ADCY2: variants seen among roughly 807,000 people sequenced by gnomAD.
The protein encoded by ADCY2 is adenylate cyclase 2.
ADCY2 carries 31 observed loss-of-function variants against 125.2 expected under a neutral mutation model. The ratio of observed to expected loss-of-function variants is 0.25; its 90% CI spans 0.19 to 0.33. ADCY2 has a LOEUF of 0.33. ADCY2 is among the 10% of genes least tolerant of loss of function. The probability of loss-of-function intolerance (pLI) is 1.00; values close to 1 mark genes in which losing one functional copy is unlikely to be tolerated. For synonymous variants in ADCY2, 512 were observed against 548.4 expected, an observed-to-expected ratio of 0.93 and a Z score of 0.93; for missense variants, 904 against 1,418.2, an observed-to-expected ratio of 0.64 and a Z score of 5.82.
intron 3 of ADCY2, among the ~76,000 whole-genome samples, chr5:7,620,883 CAGTT>C (rs1476580162): frequency 6.7e-6 from 1 of 148,912 alleles, no homozygotes. Context: ...TGACACTGTG[CAGTT>C]AGTTCATAGA....
At position 7,709,275 on chromosome 5, in the gene ADCY2, G is replaced by A; in HGVS notation, c.1466G>A (p.Arg489Lys). 2 of 1,613,776 alleles carry A rather than the reference G, an allele frequency of 1.2e-6. No individual in the cohort carries two copies. The highest frequency in any genetic ancestry group is 1.7e-6 in the Non-Finnish European group (2 of 1,179,900). ...CACACCCTTGATGGAGCCAAAATGA[G>A]GGCCTCGGTCCGCATGACCCGGTAC... ...PRHTLDGAKM[R>K]ASVRMTRYLE... is the part of the protein sequence containing the mutation. Residue 489 changes from arginine (R) to lysine (K), a missense_variant, in exon 10 of 25, where the codon AGG becomes AAG. Around this residue, in one of 7 missense-constraint regions of ADCY2, gnomAD observed 144 missense variants for 227.7 expected, o/e 0.63. Coordinates refer to ENST00000338316, the MANE Select transcript of ADCY2 (RefSeq NM_020546.3). This position sits in a 1 kb window ranked among gnomAD's most constrained non-coding sequence, Gnocchi z 4.4.
chr5:7,689,675 T>C (rs547585343), intron 4 of ADCY2, among the ~76,000 whole-genome samples: 1 of 151,866 alleles, frequency 6.6e-6, no homozygotes, highest in Admixed American at 6.6e-5. Context: ...TGGAAGCAAA[T>C]CCGAGCTTCC....
intron 7 of ADCY2, among the ~76,000 whole-genome samples, chr5:7,703,055 G>C (rs1156796758): frequency 6.6e-6 from 1 of 152,144 alleles, no homozygotes; most frequent in South Asian, 2.1e-4. Flanking sequence ...CATATCCTTT[G>C]CCCACTTTTT....
chr5:7,788,634 T>C (rs1017303966), intron 19 of ADCY2, among the ~76,000 whole-genome samples: 1 of 152,262 alleles, frequency 6.6e-6, no homozygotes, highest in Non-Finnish European at 1.5e-5. Context: ...CATCGTTCTT[T>C]CAAATTTCAA....
At chr5:7,521,939 T>C (rs1052158096) in intron 3 of ADCY2, among the ~76,000 whole-genome samples, 2 of 152,188 alleles carry the variant, frequency 1.3e-5, no homozygotes, top group Non-Finnish European at 2.9e-5. Context: ...CCTCTAATTT[T>C]ACACAGTGGG....
intron 3 of ADCY2, among the ~76,000 whole-genome samples, chr5:7,540,126 T>C (rs944289371): frequency 3.3e-5 from 5 of 152,052 alleles, no homozygotes; most frequent in Non-Finnish European, 7.4e-5. Flanking sequence ...GGGAGCAAAA[T>C]GATGAGAACA....
intron 7 of ADCY2, among the ~76,000 whole-genome samples, chr5:7,699,375 G>A (rs1276009788): frequency 1.3e-5 from 2 of 151,916 alleles, no homozygotes; most frequent in African/African-American, 4.8e-5. Flanking sequence ...GGGATTACAG[G>A]CGTGAGCCAC....
At chr5:7,815,072 C>T (rs1381710171) in intron 22 of ADCY2, among the ~76,000 whole-genome samples, 1 of 152,172 alleles carries the variant, frequency 6.6e-6, no homozygotes, top group Non-Finnish European at 1.5e-5. Context: ...TTCCTGGGTG[C>T]GTGCTTCTCG....
At chr5:7,673,145 A>T (rs1296685188) in intron 4 of ADCY2, among the ~76,000 whole-genome samples, 4 of 146,092 alleles carry the variant, frequency 2.7e-5, no homozygotes, top group Non-Finnish European at 6.0e-5. Flanking sequence ...GCTCGTGCCT[A>T]TAATCCCAGC....
intron 2 of ADCY2, among the ~76,000 whole-genome samples, chr5:7,468,258 G>A (rs757276766): frequency 1.1e-4 from 17 of 152,092 alleles, no homozygotes; most frequent in African/African-American, 4.1e-4. Flanking sequence ...AATTAAAATC[G>A]GAGACAGGGC....
In ADCY2 at chr5:7,687,147, C is replaced by G. The variant is rs541647626; in HGVS notation, c.721-3544C>G. Among the ~76,000 whole-genome samples the G allele has an allele frequency of 3.3e-5, 5 of 152,278 alleles. No homozygotes were observed. The South Asian group carries it at 1.0e-3, about 32-fold the overall frequency. On this transcript the variant is annotated intron_variant, in intron 4 of 24. Coordinates refer to ENST00000338316, the MANE Select transcript of ADCY2 (RefSeq NM_020546.3). ...CAAAAGAAAAAATTCTTGTTTTGTACAACATATGAAGTTTACTTTCTATAT... is the reference window on the plus strand; with the variant it reads ...CAAAAGAAAAAATTCTTGTTTTGTAGAACATATGAAGTTTACTTTCTATAT...
intron 4 of ADCY2, among the ~76,000 whole-genome samples, chr5:7,647,968 G>A (rs914530135): frequency 3.9e-5 from 6 of 152,200 alleles, no homozygotes; most frequent in East Asian, 1.9e-4. Flanking sequence ...GGGAAAAGGC[G>A]CAATGCCAAG....
chr5:7,665,113 A>T (rs1739667640), intron 4 of ADCY2, among the ~76,000 whole-genome samples: 1 of 152,116 alleles, frequency 6.6e-6, no homozygotes, highest in Non-Finnish European at 1.5e-5. Flanking sequence ...CACCATGGAC[A>T]CATGTTCTTG....
chr5:7,547,765 A>G (rs1001729607), intron 3 of ADCY2, among the ~76,000 whole-genome samples: 2 of 152,154 alleles, frequency 1.3e-5, no homozygotes, highest in South Asian at 2.1e-4. Flanking sequence ...CACTTCTCTC[A>G]TGGTTTTGTT....
chr5:7,603,176 A>T (rs2126637270), intron 3 of ADCY2, among the ~76,000 whole-genome samples: 1 of 152,334 alleles, frequency 6.6e-6, no homozygotes, highest in East Asian at 1.9e-4. Context: ...CCTGAGGCTG[A>T]CTTCATTCAC....
chr5:7,615,876 C>T (rs1213375393), intron 3 of ADCY2, among the ~76,000 whole-genome samples: 1 of 152,154 alleles, frequency 6.6e-6, no homozygotes, highest in Non-Finnish European at 1.5e-5. Context: ...AGTATTGAAT[C>T]AGAATCCATG....
chr5:7,554,526 G>A (rs1033917800), intron 3 of ADCY2, among the ~76,000 whole-genome samples: 1 of 151,974 alleles, frequency 6.6e-6, no homozygotes, highest in Non-Finnish European at 1.5e-5. Context: ...TCCATATTGT[G>A]GTTCTTTTAA....
intron 14 of ADCY2, among the ~76,000 whole-genome samples, chr5:7,737,070 C>T (rs1286719143): frequency 6.6e-6 from 1 of 152,076 alleles, no homozygotes; most frequent in Non-Finnish European, 1.5e-5. Flanking sequence ...TACAGTTCTT[C>T]CCTAGGTTTC....
At chr5:7,509,206 G>A (rs1025663858) in intron 2 of ADCY2, among the ~76,000 whole-genome samples, 8 of 152,294 alleles carry the variant, frequency 5.3e-5, no homozygotes, top group African/African-American at 1.9e-4. Context: ...CATGTATATT[G>A]TAGAGTTAAA....
Sources: allele counts gnomAD v4.1 joint callset (sites outside exome capture counted in the v4.1 genomes callset), GRCh38; gene constraint gnomAD v4.1.1; regional missense constraint gnomAD v4.1.1; non-coding constraint Gnocchi (gnomAD v3.1); transcripts MANE v1.5; gene names NCBI Gene and HGNC (gene_info 2026-07-23, HGNC 2026-07-21).